The following MTUS2 variants were observed in gnomAD, a reference collection of about 807,000 sequenced individuals.
The protein encoded by MTUS2 is microtubule associated scaffold protein 2, also known as microtubule-associated tumor suppressor candidate 2.
In MTUS2, 40 loss-of-function variants were observed where a neutral mutation model predicts 114.1. That is an observed-to-expected ratio of 0.35 (90% CI 0.27 to 0.46). The LOEUF is 0.46. MTUS2 is among the 20% of genes least tolerant of loss of function. The pLI is 1.00. For missense variants in MTUS2, 1,679 were observed against 1,705.4 expected (o/e 0.98, Z 0.27); for synonymous variants, 688 against 672.0 (o/e 1.02, Z -0.37).
intron 4 of MTUS2, among the ~76,000 whole-genome samples, chr13:29,046,779 C>A (rs565556925): frequency 1.3e-5 from 2 of 152,132 alleles, no homozygotes; most frequent in Admixed American, 6.5e-5. Context: ...CTAGGCACGC[C>A]GCAGTACCAG....
At chr13:29,325,533 G>GA (rs1566132055) in intron 7 of MTUS2, among the ~76,000 whole-genome samples, 1 of 144,528 alleles carries the variant, frequency 6.9e-6, no homozygotes. Flanking sequence ...AGGGAGGAAG[G>GA]AGAAGAAAAG....
intron 2 of MTUS2, among the ~76,000 whole-genome samples, chr13:28,907,643 A>G (rs937338362): frequency 6.6e-6 from 1 of 151,518 alleles, no homozygotes; most frequent in Non-Finnish European, 1.5e-5. Context: ...ACAAAGATCA[A>G]AAGAGACAAA....
chr13:29,085,522 A>G (rs1889652136), intron 4 of MTUS2, among the ~76,000 whole-genome samples: 1 of 152,098 alleles, frequency 6.6e-6, no homozygotes, highest in Admixed American at 6.6e-5. Context: ...CCATTTACAG[A>G]TGAGAACATG....
intron 4 of MTUS2, among the ~76,000 whole-genome samples, chr13:29,041,170 G>C (rs946034475): frequency 2.0e-5 from 3 of 151,624 alleles, no homozygotes; most frequent in Non-Finnish European, 4.4e-5. Flanking sequence ...CATTATTCTT[G>C]CCAATTATCC....
intron 3 of MTUS2, among the ~76,000 whole-genome samples, chr13:29,030,747 G>A (rs1886778235): frequency 6.6e-6 from 1 of 152,084 alleles, no homozygotes; most frequent in Non-Finnish European, 1.5e-5. Flanking sequence ...TAAATAAAAT[G>A]AGAACCTCTT....
chr13:28,907,874 C>T (rs1593290495), intron 2 of MTUS2, among the ~76,000 whole-genome samples: 1 of 151,548 alleles, frequency 6.6e-6, no homozygotes, highest in African/African-American at 2.4e-5. Flanking sequence ...TCTTTTCTTT[C>T]AGCACTTAAA....
intron 2 of MTUS2, among the ~76,000 whole-genome samples, chr13:28,847,950 C>T (rs1238557936): frequency 6.6e-6 from 1 of 152,234 alleles, no homozygotes; most frequent in Non-Finnish European, 1.5e-5. Context: ...CCAGGGCTTT[C>T]TGCCTTGGCC....
chr13:29,296,351 C>A (rs1898943345), intron 6 of MTUS2, among the ~76,000 whole-genome samples: 1 of 152,012 alleles, frequency 6.6e-6, no homozygotes, highest in Admixed American at 6.6e-5. Flanking sequence ...ATTACAGACA[C>A]ACACCACCAT....
chr13:29,065,921 C>A (rs7996027), intron 4 of MTUS2, among the ~76,000 whole-genome samples: 1 of 152,086 alleles, frequency 6.6e-6, no homozygotes, highest in Non-Finnish European at 1.5e-5. Flanking sequence ...AACCCCCCCC[C>A]ACCTGACATG....
At chr13:29,213,017 G>A (rs545582086) in intron 5 of MTUS2, among the ~76,000 whole-genome samples, 27 of 152,168 alleles carry the variant, frequency 1.8e-4, no homozygotes, top group Non-Finnish European at 2.6e-4. Context: ...TGTCATTAGA[G>A]TAAATGATGC....
At chr13:29,123,103 T>C (rs1891378881) in intron 5 of MTUS2, among the ~76,000 whole-genome samples, 1 of 152,212 alleles carries the variant, frequency 6.6e-6, no homozygotes, top group Non-Finnish European at 1.5e-5. Context: ...CTTCAGATTT[T>C]AAAAAAGCTT....
At chr13:29,287,703 G>A (rs1380185479) in intron 6 of MTUS2, among the ~76,000 whole-genome samples, 1 of 152,138 alleles carries the variant, frequency 6.6e-6, no homozygotes, top group African/African-American at 2.4e-5. Context: ...TGCTTTCCTA[G>A]GTATAAATTT....
intron 5 of MTUS2, among the ~76,000 whole-genome samples, chr13:29,248,250 G>A (rs1320536841): frequency 1.3e-5 from 2 of 152,052 alleles, no homozygotes; most frequent in Non-Finnish European, 2.9e-5. Flanking sequence ...CTTGGGGAAG[G>A]GTGGGAGGGG....
At chr13:28,924,274 A>G (rs1352948507) in intron 2 of MTUS2, among the ~76,000 whole-genome samples, 1 of 151,990 alleles carries the variant, frequency 6.6e-6, no homozygotes, top group Admixed American at 6.6e-5. Context: ...CTTTATTTCC[A>G]GGGTTTATAG....
At chr13:29,363,824 A>G (rs1366950215) in intron 8 of MTUS2, among the ~76,000 whole-genome samples, 1 of 152,230 alleles carries the variant, frequency 6.6e-6, no homozygotes, top group African/African-American at 2.4e-5. Context: ...CAGAACTTTA[A>G]CAATAGAGCT....
intron 9 of MTUS2, among the ~76,000 whole-genome samples, chr13:29,451,663 C>T (rs1878692379): frequency 6.6e-6 from 1 of 151,938 alleles, no homozygotes; most frequent in Non-Finnish European, 1.5e-5. Flanking sequence ...CAGCTTACTG[C>T]AACCTCCGCC....
chr13:28,824,880 G>A (rs1001473071), intron 1 of MTUS2, among the ~76,000 whole-genome samples: 8 of 152,192 alleles, frequency 5.3e-5, no homozygotes, highest in African/African-American at 1.9e-4. Flanking sequence ...CAGAGATGGG[G>A]GAGCAGGAGT....
intron 4 of MTUS2, among the ~76,000 whole-genome samples, chr13:29,036,300 T>A (rs541499274): frequency 6.6e-6 from 1 of 152,260 alleles, no homozygotes; most frequent in South Asian, 2.1e-4. Flanking sequence ...AGACTCAAAT[T>A]CAGAAAGCTG....
chr13:29,471,341 A>C (rs562258421), intron 9 of MTUS2, among the ~76,000 whole-genome samples: 37 of 151,264 alleles, frequency 2.4e-4, no homozygotes, highest in African/African-American at 8.2e-4. Context: ...CATCTCAAAA[A>C]TAATAATAAT....
Sources: allele counts gnomAD v4.1 joint callset (sites outside exome capture counted in the v4.1 genomes callset), GRCh38; gene constraint gnomAD v4.1.1; transcripts MANE v1.5; gene names NCBI Gene and HGNC (gene_info 2026-07-23, HGNC 2026-07-21).